The following DPYD variants were observed in gnomAD, a reference collection of about 807,000 sequenced individuals.
The protein encoded by DPYD is dihydropyrimidine dehydrogenase, also known as dihydropyrimidine dehydrogenase [NADP(+)].
DPYD carries 109 observed loss-of-function variants against 116.2 expected under a neutral mutation model. The observed-to-expected ratio is 0.94, with a 90% CI of 0.80 to 1.10. The LOEUF (loss-of-function observed/expected upper bound fraction) is 1.10. Among genes scored for constraint, DPYD ranks in the 50% least tolerant of loss-of-function variants. The pLI is 0.00. For synonymous variants in DPYD, 440 were observed against 432.0 expected, an observed-to-expected ratio of 1.02 and a Z score of -0.23; for missense variants, 1,302 against 1,254.5, an observed-to-expected ratio of 1.04 and a Z score of -0.57.
intron 18 of DPYD, among the ~76,000 whole-genome samples, chr1:97,255,704 T>C (rs494271): frequency 0.74 from 111,426 of 150,200 alleles, 42,003 homozygotes; most frequent in East Asian, 1. Context: ...TTTTTATTTT[T>C]GCCGTTTTTT....
At chr1:97,187,302 G>T (rs1372143145) in intron 20 of DPYD, among the ~76,000 whole-genome samples, 1 of 152,002 alleles carries the variant, frequency 6.6e-6, no homozygotes, top group African/African-American at 2.4e-5. Context: ...TCTCATTGTG[G>T]TTTTAATTTA....
chr1:97,638,201 T>C lies in DPYD; in HGVS notation c.850+40894A>G, dbSNP rs1177615047. On this transcript the variant is annotated intron_variant, in intron 8 of 22. Transcript: ENST00000370192. The stretch of plus-strand genomic sequence containing the variant: ...ATGCATAACATTTTCAAAATGTACA[T>C]ACAGTGAGGGTAAAAACCCTCACTG... Among the ~76,000 whole-genome samples the C allele has an allele frequency of 2.0e-5, 3 of 152,090 alleles. No individual in the cohort carries two copies. In the East Asian group the frequency reaches 5.8e-4, roughly 29 times the overall value.
chr1:97,852,711 G>T (rs1670633774), intron 2 of DPYD, among the ~76,000 whole-genome samples: 1 of 152,062 alleles, frequency 6.6e-6, no homozygotes, highest in East Asian at 1.9e-4. Context: ...ACTCCCAATA[G>T]ATTTTCTTCT....
chr1:97,822,247 T>TAC (rs756200415), intron 3 of DPYD, among the ~76,000 whole-genome samples: 2,529 of 148,678 alleles, frequency 0.017, 28 homozygotes, highest in African/African-American at 0.025. Context: ...TATATATATA[T>TAC]ACACACACAC....
intron 19 of DPYD, among the ~76,000 whole-genome samples, chr1:97,200,288 A>C (rs1386362134): frequency 6.6e-6 from 1 of 152,200 alleles, no homozygotes; most frequent in Non-Finnish European, 1.5e-5. Flanking sequence ...GGTTATATGC[A>C]AGTAAAATAT....
intron 16 of DPYD, among the ~76,000 whole-genome samples, chr1:97,363,550 C>A (rs553361375): frequency 6.2e-4 from 94 of 152,198 alleles, no homozygotes; most frequent in Non-Finnish European, 1.1e-3. Context: ...TTGGAAGCAG[C>A]CCAAAGGTCC....
At chr1:97,679,552 A>G (rs1660327333) in intron 7 of DPYD, among the ~76,000 whole-genome samples, 1 of 152,152 alleles carries the variant, frequency 6.6e-6, no homozygotes, top group South Asian at 2.1e-4. Flanking sequence ...TACACAAATA[A>G]ATGTAACATA....
chr1:97,644,711 G>C (rs2100827678), intron 8 of DPYD, among the ~76,000 whole-genome samples: 1 of 151,336 alleles, frequency 6.6e-6, no homozygotes, highest in South Asian at 2.1e-4. Flanking sequence ...GCCCACCTCA[G>C]CCTCCCAAAG....
At chr1:97,595,645 C>G (rs1049542526) in intron 8 of DPYD, among the ~76,000 whole-genome samples, 2 of 151,526 alleles carry the variant, frequency 1.3e-5, no homozygotes, top group African/African-American at 4.8e-5. Flanking sequence ...AATAATTCAA[C>G]CACTGCTAAA....
intron 3 of DPYD, among the ~76,000 whole-genome samples, chr1:97,783,630 A>G (rs1029067350): frequency 7.9e-5 from 12 of 152,138 alleles, no homozygotes; most frequent in Admixed American, 7.9e-4. Flanking sequence ...ACTTCAGGTG[A>G]CCCACCTGTC....
intron 13 of DPYD, among the ~76,000 whole-genome samples, chr1:97,505,272 T>C (rs1224749937): frequency 6.6e-6 from 1 of 151,946 alleles, no homozygotes; most frequent in African/African-American, 2.4e-5. Context: ...TCCCTGTTTA[T>C]ACAACAACAT....
chr1:97,092,064 C>T (rs774585422), intron 21 of DPYD, among the ~76,000 whole-genome samples: 4 of 152,146 alleles, frequency 2.6e-5, no homozygotes, highest in Non-Finnish European at 4.4e-5. Flanking sequence ...TGCCATTAAA[C>T]AGGCAGGTGT....
At chr1:97,185,202 G>A (rs928297774) in intron 20 of DPYD, among the ~76,000 whole-genome samples, 1 of 152,088 alleles carries the variant, frequency 6.6e-6, no homozygotes, top group African/African-American at 2.4e-5. Flanking sequence ...CACAGAGTAA[G>A]ATACATGGAA....
intron 14 of DPYD, among the ~76,000 whole-genome samples, chr1:97,417,444 A>C (rs887051024): frequency 2.6e-5 from 4 of 152,204 alleles, no homozygotes; most frequent in African/African-American, 9.6e-5. Flanking sequence ...TATGTCTTGC[A>C]TTCAAATAAT....
At chr1:97,185,804 T>C (rs1423175731) in intron 20 of DPYD, among the ~76,000 whole-genome samples, 3 of 152,118 alleles carry the variant, frequency 2.0e-5, no homozygotes, top group African/African-American at 7.2e-5. Flanking sequence ...GGTGTTTGCT[T>C]CTGGTGGTGG....
At chr1:97,906,431 A>C (rs1387235422) in intron 1 of DPYD, among the ~76,000 whole-genome samples, 1 of 152,072 alleles carries the variant, frequency 6.6e-6, no homozygotes, top group Non-Finnish European at 1.5e-5. Flanking sequence ...TCTGTTCTGT[A>C]TCAAAAGCAC....
chr1:97,691,961 C>CA (rs773437015), intron 6 of DPYD, among the ~76,000 whole-genome samples, 163 bp from the exon 7 acceptor site: 1 of 152,004 alleles, frequency 6.6e-6, no homozygotes. Flanking sequence ...CATCTACATT[C>CA]TTATTGATAT....
chr1:97,103,001 T>TA (rs1323609876), intron 20 of DPYD, among the ~76,000 whole-genome samples: 1 of 151,906 alleles, frequency 6.6e-6, no homozygotes, highest in African/African-American at 2.4e-5. Context: ...ATACCTAAAA[T>TA]AAAAAATATG....
intron 16 of DPYD, among the ~76,000 whole-genome samples, chr1:97,328,131 A>G (rs1225317901): frequency 2.0e-5 from 3 of 152,150 alleles, no homozygotes; most frequent in African/African-American, 7.2e-5. Context: ...TAGAGTATAC[A>G]GGGCTTCTAT....
Sources: gnomAD v4.1 joint callset for allele counts (sites outside exome capture counted in the v4.1 genomes callset) on GRCh38, gnomAD v4.1.1 for gene constraint, MANE v1.5 for transcripts, NCBI Gene and HGNC (gene_info 2026-07-23, HGNC 2026-07-21) for gene names.